Variants in MSRA observed in about 807,000 individuals in gnomAD.
The protein encoded by MSRA is mitochondrial peptide methionine sulfoxide reductase.
MSRA carries 54 observed loss-of-function variants against 31.3 expected under a neutral mutation model. That is an observed-to-expected ratio of 1.73 (90% CI 1.39 to 2.17). The LOEUF (loss-of-function observed/expected upper bound fraction) is 2.17, where lower values mean the gene tolerates loss of function less well. Among genes scored for constraint, MSRA ranks in the 30% most tolerant of loss-of-function variants. MSRA has a pLI of 0.00. For synonymous variants in MSRA, 169 were observed against 116.5 expected, an observed-to-expected ratio of 1.45 and a Z score of -2.90; for missense variants, 507 against 300.9, an observed-to-expected ratio of 1.69 and a Z score of -5.07.
At chr8:10,423,059 C>T (rs1194653114) in intron 5 of MSRA, among the ~76,000 whole-genome samples, 2 of 152,172 alleles carry the variant, frequency 1.3e-5, no homozygotes, top group African/African-American at 4.8e-5. Flanking sequence ...TATTGGAAGG[C>T]GCCTAAAGAT....
intron 5 of MSRA, chr8:10,337,412 C>A: frequency 3.2e-6 from 1 of 310,210 alleles, no homozygotes; most frequent in Non-Finnish European, 6.0e-6. Context: ...ATCTCCTGAC[C>A]TCGTGATCCA....
intron 1 of MSRA, among the ~76,000 whole-genome samples, chr8:10,148,904 G>A (rs1001594335): frequency 6.6e-6 from 1 of 150,682 alleles, no homozygotes; most frequent in Non-Finnish European, 1.5e-5. Flanking sequence ...GGACAACTCC[G>A]ATGAGTCCGA....
At chr8:10,066,370 C>G (rs911478651) in intron 1 of MSRA, among the ~76,000 whole-genome samples, 1 of 152,246 alleles carries the variant, frequency 6.6e-6, no homozygotes, top group Non-Finnish European at 1.5e-5. Flanking sequence ...AACCAATGTT[C>G]AGACCCGAGA....
chr8:10,156,788 C>T (rs984754957), intron 1 of MSRA, among the ~76,000 whole-genome samples: 6 of 144,200 alleles, frequency 4.2e-5, no homozygotes, highest in East Asian at 2.1e-4. Context: ...CCTTCTGGTT[C>T]TGTATCGATA....
At chr8:10,233,224 A>C (rs950859291) in intron 2 of MSRA, among the ~76,000 whole-genome samples, 1 of 152,232 alleles carries the variant, frequency 6.6e-6, no homozygotes, top group Non-Finnish European at 1.5e-5. Context: ...TGGAAACTCT[A>C]ATCACCTTCG....
At chr8:10,246,454 G>A (rs184620066) in intron 3 of MSRA, among the ~76,000 whole-genome samples, 11 of 152,198 alleles carry the variant, frequency 7.2e-5, no homozygotes, top group African/African-American at 2.4e-4. Flanking sequence ...GGTCTTAATA[G>A]GGAGGGAGTA....
At chr8:10,229,531 G>C (rs547694579) in intron 2 of MSRA, among the ~76,000 whole-genome samples, 1 of 152,118 alleles carries the variant, frequency 6.6e-6, no homozygotes, top group African/African-American at 2.4e-5. Context: ...CTCTGACCTC[G>C]AGTGGACTGA....
intron 1 of MSRA, among the ~76,000 whole-genome samples, chr8:10,117,431 A>G (rs1369841010): frequency 1.3e-5 from 2 of 152,226 alleles, no homozygotes; most frequent in Admixed American, 1.3e-4. Flanking sequence ...CATTCTGCAT[A>G]GAAAGGGGAG....
chr8:10,128,154 G>C (rs575479325), intron 1 of MSRA, among the ~76,000 whole-genome samples: 1 of 152,070 alleles, frequency 6.6e-6, no homozygotes, highest in Non-Finnish European at 1.5e-5. Flanking sequence ...GAGGCAGGTG[G>C]ATCACCCGAG....
At chr8:10,059,318 C>G (rs911045155) in intron 1 of MSRA, among the ~76,000 whole-genome samples, 3 of 152,132 alleles carry the variant, frequency 2.0e-5, no homozygotes, top group Non-Finnish European at 4.4e-5. Context: ...TGCATTTAAT[C>G]CTTACGGTAA....
chr8:10,242,589 A>G (rs1185438529), intron 2 of MSRA, among the ~76,000 whole-genome samples: 2 of 152,220 alleles, frequency 1.3e-5, no homozygotes, highest in African/African-American at 4.8e-5. Context: ...GTTTTATAAC[A>G]AAAGGCTAAA....
At chr8:10,350,497 C>G (rs1804060781) in intron 5 of MSRA, among the ~76,000 whole-genome samples, 2 of 152,358 alleles carry the variant, frequency 1.3e-5, no homozygotes, top group South Asian at 4.1e-4. Flanking sequence ...CTCTGACATC[C>G]AGTGAATCTA....
At chr8:10,086,108 T>C (rs1263790574) in intron 1 of MSRA, among the ~76,000 whole-genome samples, 1 of 152,248 alleles carries the variant, frequency 6.6e-6, no homozygotes, top group Non-Finnish European at 1.5e-5. Context: ...TCAGTGTAAC[T>C]TTTTAAGAAA....
chr8:10,093,916 C>G (rs1436308346), intron 1 of MSRA, among the ~76,000 whole-genome samples: 2 of 152,186 alleles, frequency 1.3e-5, no homozygotes, highest in Admixed American at 6.5e-5. Context: ...CCTTTCAGCT[C>G]TTTGACTATG....
intron 5 of MSRA, among the ~76,000 whole-genome samples, chr8:10,374,642 C>G (rs1373630034): frequency 6.6e-6 from 1 of 152,190 alleles, no homozygotes; most frequent in Non-Finnish European, 1.5e-5. Flanking sequence ...TGCTATGAAC[C>G]ATTCAGAGTC....
chr8:10,294,540 G>A (rs1800422907), intron 3 of MSRA, among the ~76,000 whole-genome samples: 1 of 152,084 alleles, frequency 6.6e-6, no homozygotes, highest in Admixed American at 6.5e-5. Context: ...GGCAACTCGG[G>A]CACTCTGGCT....
chr8:10,381,365 A>T (rs956082255), intron 5 of MSRA, among the ~76,000 whole-genome samples: 1 of 152,168 alleles, frequency 6.6e-6, no homozygotes, highest in Non-Finnish European at 1.5e-5. Context: ...GTAATTAGCC[A>T]GGAAGTTTTT....
At chr8:10,102,586 T>C (rs979098273) in intron 1 of MSRA, among the ~76,000 whole-genome samples, 2 of 152,258 alleles carry the variant, frequency 1.3e-5, no homozygotes, top group African/African-American at 4.8e-5. Context: ...CTGTGCCATC[T>C]CAATGTTGGC....
chr8:10,416,476 A>T (rs952417155), intron 5 of MSRA, among the ~76,000 whole-genome samples: 1 of 152,206 alleles, frequency 6.6e-6, no homozygotes, highest in Non-Finnish European at 1.5e-5. Flanking sequence ...GTGAGGGCCC[A>T]GGGTGTTGGA....
Sources: gnomAD v4.1 joint callset for allele counts (sites outside exome capture counted in the v4.1 genomes callset) on GRCh38, gnomAD v4.1.1 for gene constraint, MANE v1.5 for transcripts, NCBI Gene and HGNC (gene_info 2026-07-23, HGNC 2026-07-21) for gene names.